The following MAGI1 variants were observed in gnomAD, a reference collection of about 807,000 sequenced individuals.
MAGI1 encodes the protein membrane associated guanylate kinase, WW and PDZ domain containing 1.
A neutral mutation model predicts 139.9 loss-of-function variants in MAGI1; 58 were observed. The observed-to-expected ratio is 0.41, with a 90% CI of 0.34 to 0.52. The LOEUF (loss-of-function observed/expected upper bound fraction) is 0.52, where lower values mean the gene tolerates loss of function less well. Ranked by LOEUF, MAGI1 falls within the 20% of genes least tolerant of loss-of-function variation. MAGI1 has a pLI of 0.12. For synonymous variants in MAGI1, 812 were observed against 737.9 expected (o/e 1.10, Z -1.63); for missense variants, 1,874 against 1,901.6 (o/e 0.99, Z 0.27).
intron 1 of MAGI1, among the ~76,000 whole-genome samples, chr3:65,742,808 C>T (rs1466753024): frequency 6.6e-6 from 1 of 152,184 alleles, no homozygotes; most frequent in Admixed American, 6.5e-5. Flanking sequence ...AAACCTACAG[C>T]ATTTGTCATA....
chr3:65,521,617 A>T (rs1023762425), intron 2 of MAGI1, among the ~76,000 whole-genome samples: 2 of 152,176 alleles, frequency 1.3e-5, no homozygotes, highest in Non-Finnish European at 2.9e-5. Context: ...TTTTAATGTA[A>T]ATATGCATAC....
intron 1 of MAGI1, among the ~76,000 whole-genome samples, chr3:65,838,815 G>A (rs948887949): frequency 7.2e-5 from 11 of 152,184 alleles, no homozygotes; most frequent in African/African-American, 2.7e-4. Context: ...ATTTTCCAGT[G>A]TGTTTGTACC....
chr3:66,027,747 T>C (rs962132610), intron 1 of MAGI1, among the ~76,000 whole-genome samples: 1 of 152,200 alleles, frequency 6.6e-6, no homozygotes, highest in African/African-American at 2.4e-5. Flanking sequence ...GAGTCATGCC[T>C]GTAGAGGGGC....
At chr3:65,567,525 A>C (rs1182992630) in intron 2 of MAGI1, among the ~76,000 whole-genome samples, 1 of 152,208 alleles carries the variant, frequency 6.6e-6, no homozygotes, top group Non-Finnish European at 1.5e-5. Context: ...ATTTCATCAC[A>C]TCTAACCAAA....
intron 1 of MAGI1, among the ~76,000 whole-genome samples, chr3:65,999,065 T>A (rs575274893): frequency 5.6e-4 from 85 of 151,428 alleles, no homozygotes; most frequent in Non-Finnish European, 9.4e-4. Flanking sequence ...ATCCCTTTTT[T>A]AAAAAAAAAA....
At chr3:65,938,095 G>A (rs1160255398) in intron 1 of MAGI1, among the ~76,000 whole-genome samples, 1 of 151,844 alleles carries the variant, frequency 6.6e-6, no homozygotes, top group Admixed American at 6.6e-5. Context: ...TGCATACAAG[G>A]AAGACAGACT....
chr3:65,936,735 T>C (rs964017782), intron 1 of MAGI1, among the ~76,000 whole-genome samples: 20 of 152,238 alleles, frequency 1.3e-4, no homozygotes, highest in African/African-American at 4.8e-4. Flanking sequence ...TGTGTGTATC[T>C]GTGTGGTGTG....
chr3:65,788,775 A>G (rs78618757), intron 1 of MAGI1, among the ~76,000 whole-genome samples: 2 of 152,362 alleles, frequency 1.3e-5, no homozygotes, highest in East Asian at 3.9e-4. Context: ...AATACTAGCC[A>G]TAAATCAACC....
At chr3:66,035,850 A>C (rs2068888181) in intron 1 of MAGI1, among the ~76,000 whole-genome samples, 1 of 152,030 alleles carries the variant, frequency 6.6e-6, no homozygotes, top group Non-Finnish European at 1.5e-5. Flanking sequence ...TGATTATCTC[A>C]CCAAGCCTTC....
intron 1 of MAGI1, among the ~76,000 whole-genome samples, chr3:66,014,623 G>C (rs2067523287): frequency 6.6e-6 from 1 of 152,140 alleles, no homozygotes; most frequent in Non-Finnish European, 1.5e-5. Context: ...CAAAGAATAG[G>C]TTTCTAGTGG....
Position 65,501,969 on chromosome 3 carries a change from T to G in MAGI1, c.431-8338A>C, listed in dbSNP as rs147949635. On this transcript the variant is annotated intron_variant, in intron 2 of 22. Coordinates refer to ENST00000402939, the MANE Select transcript of MAGI1 (RefSeq NM_001033057.2). ...ATTACACACTGTATGATTACTCCAT[T>G]TATATTCTATATATTCTATAGAGAT... 2.6e-5 allele frequency among the ~76,000 whole-genome samples: 4 copies of G among 152,274 alleles called. No individual in the cohort carries two copies. In the East Asian group the frequency reaches 7.7e-4, roughly 29 times the overall value.
At chr3:65,743,031 A>T (rs2035406057) in intron 1 of MAGI1, among the ~76,000 whole-genome samples, 1 of 152,190 alleles carries the variant, frequency 6.6e-6, no homozygotes, top group African/African-American at 2.4e-5. Context: ...TGCTTAAAAA[A>T]AAAGAAAGAG....
chr3:65,382,723 C>T lies in MAGI1; in HGVS notation c.2509-654G>A, dbSNP rs1238312884. ...ACTTTGACAAAATAGTTGCTAAGAA[C>T]ATGAACTCGAGTCAGACCTTATTTG... is the stretch of plus-strand genomic sequence containing the variant. On this transcript the variant is annotated intron_variant, in intron 15 of 22. Coordinates refer to ENST00000402939, the MANE Select transcript of MAGI1 (RefSeq NM_001033057.2). Among the ~76,000 whole-genome samples, 5 of 152,266 alleles carry T rather than the reference C, an allele frequency of 3.3e-5. No homozygotes were observed. The East Asian group carries it at 9.6e-4, about 29-fold the overall frequency.
chr3:65,667,486 C>T (rs575150491), intron 1 of MAGI1, among the ~76,000 whole-genome samples: 2 of 152,222 alleles, frequency 1.3e-5, no homozygotes, highest in South Asian at 2.1e-4. Flanking sequence ...GGAATGCCTG[C>T]GTGTGTGGGA....
intron 1 of MAGI1, among the ~76,000 whole-genome samples, chr3:66,005,661 GA>G (rs1398742064): frequency 1.3e-5 from 2 of 152,060 alleles, no homozygotes; most frequent in African/African-American, 2.4e-5. Flanking sequence ...TGGAAGGGGG[GA>G]AATCAAAGGG....
chr3:66,024,303 G>A (rs1483916780), intron 1 of MAGI1, among the ~76,000 whole-genome samples: 1 of 133,454 alleles, frequency 7.5e-6, no homozygotes, highest in Non-Finnish European at 1.6e-5. Flanking sequence ...CTTTAAAACT[G>A]GCAAAGTTCA....
chr3:65,982,419 A>G (rs915059131), intron 1 of MAGI1, among the ~76,000 whole-genome samples: 3 of 152,238 alleles, frequency 2.0e-5, no homozygotes, highest in Admixed American at 6.5e-5. Context: ...CCTTCTCACC[A>G]GGGAAATGCT....
intron 1 of MAGI1, among the ~76,000 whole-genome samples, chr3:65,799,137 G>A (rs181990868): frequency 3.3e-5 from 5 of 152,300 alleles, no homozygotes; most frequent in Admixed American, 6.5e-5. Context: ...CATATGCTGA[G>A]GTTGCTGAGC....
At chr3:65,463,731 A>G (rs1036297209) in intron 5 of MAGI1, among the ~76,000 whole-genome samples, 11 of 152,120 alleles carry the variant, frequency 7.2e-5, no homozygotes, top group Non-Finnish European at 1.5e-4. Flanking sequence ...CTCTGGTAGT[A>G]TTTGGCTGTG....
Sources: gnomAD v4.1 joint callset for allele counts (sites outside exome capture counted in the v4.1 genomes callset) on GRCh38, gnomAD v4.1.1 for gene constraint, MANE v1.5 for transcripts, NCBI Gene and HGNC (gene_info 2026-07-23, HGNC 2026-07-21) for gene names.